The following PCDH15 variants were observed in gnomAD, a reference collection of about 807,000 sequenced individuals.
PCDH15 encodes the protein protocadherin related 15, also known as protocadherin-15.
Under a neutral mutation model 178.5 loss-of-function variants are expected in PCDH15, and 129 were observed. That is an observed-to-expected ratio of 0.72 (90% CI 0.63 to 0.84). The LOEUF is 0.84. PCDH15 is among the 40% of genes least tolerant of loss of function. PCDH15 has a pLI of 0.00. For missense variants in PCDH15, 2,230 were observed against 2,099.9 expected (o/e 1.06, Z -1.21); for synonymous variants, 800 against 732.0 (o/e 1.09, Z -1.50).
At chr10:55,407,059 T>C (rs1565106515) in intron 2 of PCDH15, among the ~76,000 whole-genome samples, 1 of 152,112 alleles carries the variant, frequency 6.6e-6, no homozygotes, top group Non-Finnish European at 1.5e-5. Flanking sequence ...GGCCTTGACA[T>C]GATGAACTTC....
At chr10:54,826,243 A>G (rs944587670) in intron 3 of PCDH15, among the ~76,000 whole-genome samples, 1 of 152,062 alleles carries the variant, frequency 6.6e-6, no homozygotes, top group South Asian at 2.1e-4. Context: ...TTGAAAAAAA[A>G]TCCAATCAGT....
chr10:55,082,477 A>G (rs1422087759), intron 2 of PCDH15, among the ~76,000 whole-genome samples: 1 of 151,848 alleles, frequency 6.6e-6, no homozygotes, highest in Non-Finnish European at 1.5e-5. Context: ...TGTTAAATAC[A>G]CAACCTAACA....
intron 3 of PCDH15, among the ~76,000 whole-genome samples, chr10:54,876,236 C>T (rs1362384795): frequency 6.6e-6 from 1 of 152,066 alleles, no homozygotes; most frequent in African/African-American, 2.4e-5. Context: ...TTGAGATCTA[C>T]TTCACAGAAA....
chr10:55,211,717 C>T (rs916028603), intron 1 of PCDH15, among the ~76,000 whole-genome samples: 4 of 152,046 alleles, frequency 2.6e-5, no homozygotes, highest in Non-Finnish European at 4.4e-5. Context: ...ATAAAGCGGG[C>T]AGACACTAAA....
intron 3 of PCDH15, among the ~76,000 whole-genome samples, chr10:54,397,327 G>A (rs897915470): frequency 5.9e-5 from 9 of 152,028 alleles, no homozygotes; most frequent in Admixed American, 2.6e-4. Context: ...ATGGATAATA[G>A]GAGCCTAAAT....
chr10:55,341,067 G>A (rs969236029), intron 2 of PCDH15, among the ~76,000 whole-genome samples: 6 of 151,614 alleles, frequency 4.0e-5, no homozygotes, highest in African/African-American at 1.5e-4. Context: ...TCACATCAAA[G>A]CTCTTAGTAG....
At chr10:54,156,171 A>C (rs1475263021) in intron 13 of PCDH15, among the ~76,000 whole-genome samples, 1 of 151,978 alleles carries the variant, frequency 6.6e-6, no homozygotes, top group Non-Finnish European at 1.5e-5. Flanking sequence ...TGTTTTTTTT[A>C]TTTCTTTTCG....
At chr10:54,854,284 G>A (rs541564942) in intron 3 of PCDH15, among the ~76,000 whole-genome samples, 1 of 152,130 alleles carries the variant, frequency 6.6e-6, no homozygotes, top group Non-Finnish European at 1.5e-5. Flanking sequence ...CCCTGACTCA[G>A]GGGGCTCCCA....
chr10:55,455,025 T>C (rs1041716591), intron 2 of PCDH15, among the ~76,000 whole-genome samples: 6 of 152,106 alleles, frequency 3.9e-5, no homozygotes, highest in Non-Finnish European at 8.8e-5. Context: ...TGTAAGTGCT[T>C]ACAAATAGTA....
At chr10:54,649,939 T>C (rs2094217044) in intron 2 of PCDH15, among the ~76,000 whole-genome samples, 1 of 152,162 alleles carries the variant, frequency 6.6e-6, no homozygotes, top group African/African-American at 2.4e-5. Flanking sequence ...TATGTCTCAA[T>C]CTACTTTTTA....
rs2081359584 is a variant in PCDH15 at position 53,888,814 on chromosome 10, TAC to T, written c.3501+14427_3501+14428del. 2.7e-5 allele frequency among the ~76,000 whole-genome samples: 4 copies of T among 148,622 alleles called. No homozygotes were observed. The South Asian group carries it at 8.5e-4, about 32-fold the overall frequency. On this transcript the variant is annotated intron_variant, in intron 26 of 37. Coordinates refer to ENST00000644397, the MANE Select transcript of PCDH15 (RefSeq NM_001384140.1). The stretch of plus-strand genomic sequence containing the variant: ...AAGACAAAAAAATAAGCAGAAGACT[TAC>T]ACTATCAGATATTATAAAACTATAG...
At chr10:54,052,130 G>A (rs989028316) in intron 18 of PCDH15, among the ~76,000 whole-genome samples, 4 of 152,196 alleles carry the variant, frequency 2.6e-5, no homozygotes, top group Non-Finnish European at 5.9e-5. Flanking sequence ...CCTCTGCTAC[G>A]GTAGTGCAGA....
At chr10:54,307,065 TATATATATATATATAC>T (rs1399584586) in intron 8 of PCDH15, among the ~76,000 whole-genome samples, 3 of 9,464 alleles carry the variant, frequency 3.2e-4, no homozygotes, top group Non-Finnish European at 5.8e-4. Flanking sequence ...TATATATATA[TATATATATATATATAC>T]ATATATATAT....
chr10:54,080,598 T>C (rs1453433032), intron 16 of PCDH15, among the ~76,000 whole-genome samples: 1 of 152,160 alleles, frequency 6.6e-6, no homozygotes, highest in Non-Finnish European at 1.5e-5. Context: ...ATATCACATA[T>C]GGTAGTTGAG....
In PCDH15 at chr10:55,175,623, G is replaced by A. The variant is rs547167044; in HGVS notation, c.-155-8972C>T. 1.7e-4 allele frequency among the ~76,000 whole-genome samples: 23 copies of A among 138,894 alleles called. No homozygotes were observed. The East Asian group carries it at 3.9e-3, about 24-fold the overall frequency. The allele number at this position is 138,894 out of a possible 152,430, so 91.1% of individuals were successfully genotyped here. On this transcript the variant is annotated intron_variant, in intron 1 of 5. Transcript: ENST00000458638. The stretch of plus-strand genomic sequence containing the variant: ...AGAGGTTGCAGTGAGCCAAGATTGC[G>A]CCACTGCACTCCAGCCTGGGCAACA...
chr10:54,797,392 A>C (rs971366941), intron 1 of PCDH15, among the ~76,000 whole-genome samples: 1 of 151,856 alleles, frequency 6.6e-6, no homozygotes, highest in Non-Finnish European at 1.5e-5. Flanking sequence ...ATCTAATTTT[A>C]AGGGTGAATG....
intron 11 of PCDH15, among the ~76,000 whole-genome samples, chr10:54,192,912 C>T (rs925170996): frequency 7.2e-5 from 11 of 152,104 alleles, no homozygotes; most frequent in African/African-American, 2.4e-4. Context: ...AAGACACATA[C>T]CAAGGCAGCA....
At chr10:54,704,031 C>T (rs1311564125) in intron 1 of PCDH15, among the ~76,000 whole-genome samples, 2 of 152,062 alleles carry the variant, frequency 1.3e-5, no homozygotes, top group Non-Finnish European at 2.9e-5. Context: ...ACAAATGGAG[C>T]TGGGGTAACT....
chr10:55,274,498 AT>A (rs1260895112), intron 1 of PCDH15, among the ~76,000 whole-genome samples: 1 of 151,916 alleles, frequency 6.6e-6, no homozygotes, highest in Non-Finnish European at 1.5e-5. Context: ...ATTCTCCTAG[AT>A]TTCTGTTATT....
Sources: allele counts gnomAD v4.1 joint callset (sites outside exome capture counted in the v4.1 genomes callset), GRCh38; gene constraint gnomAD v4.1.1; transcripts MANE v1.5; gene names NCBI Gene and HGNC (gene_info 2026-07-23, HGNC 2026-07-21).